The following GPC5 variants were observed in gnomAD, a reference collection of about 807,000 sequenced individuals.
GPC5 encodes the protein glypican 5.
In GPC5, 47 loss-of-function variants were observed where a neutral mutation model predicts 53.9. That is an observed-to-expected ratio of 0.87 (90% CI 0.69 to 1.11). GPC5 has a LOEUF of 1.11. GPC5 is among the 50% of genes most tolerant of loss of function. The pLI, the probability that GPC5 is intolerant of heterozygous loss-of-function variation, is 0.00. For synonymous variants in GPC5, 286 were observed against 263.3 expected (o/e 1.09, Z -0.84); for missense variants, 748 against 713.1 (o/e 1.05, Z -0.56).
At chr13:92,033,073 G>A (rs189240425) in intron 6 of GPC5, among the ~76,000 whole-genome samples, 197 of 150,144 alleles carry the variant, frequency 1.3e-3, no homozygotes, top group African/African-American at 4.5e-3. Flanking sequence ...GTGTGTGTGT[G>A]TGCTTCTCAT....
intron 7 of GPC5, among the ~76,000 whole-genome samples, chr13:92,763,622 G>A (rs1366475339): frequency 1.3e-5 from 2 of 152,172 alleles, no homozygotes; most frequent in Non-Finnish European, 2.9e-5. Context: ...AGACCCTGGG[G>A]TCAGGTTCTC....
At chr13:91,931,693 A>G (rs1338160442) in intron 6 of GPC5, among the ~76,000 whole-genome samples, 2 of 152,052 alleles carry the variant, frequency 1.3e-5, no homozygotes, top group Non-Finnish European at 2.9e-5. Context: ...CGCATTGCAC[A>G]TAACCTTCAA....
intron 7 of GPC5, among the ~76,000 whole-genome samples, chr13:92,204,996 A>C (rs2042323028): frequency 6.6e-6 from 1 of 151,868 alleles, no homozygotes; most frequent in African/African-American, 2.4e-5. Context: ...CTCCTGCCTC[A>C]GCCTCTCCAG....
intron 7 of GPC5, among the ~76,000 whole-genome samples, chr13:92,834,749 A>T (rs1167236198): frequency 3.3e-5 from 5 of 152,162 alleles, no homozygotes; most frequent in Non-Finnish European, 7.4e-5. Context: ...TAAAGAGATA[A>T]TTGGTATCTA....
chr13:92,650,032 GATTTTTGTTGTTGTTTC>G (rs1019431778), intron 7 of GPC5, among the ~76,000 whole-genome samples: 4 of 152,050 alleles, frequency 2.6e-5, no homozygotes, highest in African/African-American at 9.7e-5. Flanking sequence ...TGATTTGAGG[GATTTTTGTTGTTGTTTC>G]TCATCATAAG....
At chr13:92,040,258 T>C (rs1021516064) in intron 6 of GPC5, among the ~76,000 whole-genome samples, 4 of 152,218 alleles carry the variant, frequency 2.6e-5, no homozygotes, top group Non-Finnish European at 5.9e-5. Flanking sequence ...CGCCAGTCTC[T>C]GGTTTCCTCT....
chr13:91,410,409 G>C (rs983779832), intron 1 of GPC5, among the ~76,000 whole-genome samples: 3 of 131,914 alleles, frequency 2.3e-5, no homozygotes, highest in Non-Finnish European at 4.6e-5. Flanking sequence ...GCAGTGGCAC[G>C]ATCTTGGCTC....
chr13:91,988,792 A>G (rs549851396), intron 6 of GPC5, among the ~76,000 whole-genome samples: 1 of 149,816 alleles, frequency 6.7e-6, no homozygotes, highest in Non-Finnish European at 1.5e-5. Context: ...GTTATGTGGA[A>G]TACTCTAATG....
intron 6 of GPC5, among the ~76,000 whole-genome samples, chr13:92,049,912 A>G (rs2041014056): frequency 6.6e-6 from 1 of 152,144 alleles, no homozygotes; most frequent in African/African-American, 2.4e-5. Context: ...AAAATTCAAA[A>G]GTAGCTTGCA....
chr13:91,584,530 A>T (rs1432571709), intron 2 of GPC5, among the ~76,000 whole-genome samples: 1 of 152,164 alleles, frequency 6.6e-6, no homozygotes, highest in Non-Finnish European at 1.5e-5. Context: ...TTAGAAAGAC[A>T]TAAAATTCAT....
intron 6 of GPC5, among the ~76,000 whole-genome samples, chr13:92,023,035 C>A (rs766235907): frequency 6.6e-6 from 1 of 152,012 alleles, no homozygotes; most frequent in Non-Finnish European, 1.5e-5. Flanking sequence ...ATATTTGACT[C>A]TGTTTCACTT....
intron 7 of GPC5, among the ~76,000 whole-genome samples, chr13:92,221,210 G>A (rs2042445976): frequency 6.6e-6 from 1 of 152,146 alleles, no homozygotes; most frequent in African/African-American, 2.4e-5. Flanking sequence ...TTAATTTTGT[G>A]ACTATCCAAG....
At chr13:92,818,772 C>A (rs1877571867) in intron 7 of GPC5, among the ~76,000 whole-genome samples, 1 of 151,880 alleles carries the variant, frequency 6.6e-6, no homozygotes, top group Non-Finnish European at 1.5e-5. Flanking sequence ...AGAACTTCCA[C>A]CGTTCAAGTG....
chr13:92,513,112 T>C (rs946336000), intron 7 of GPC5, among the ~76,000 whole-genome samples: 1 of 152,170 alleles, frequency 6.6e-6, no homozygotes, highest in Non-Finnish European at 1.5e-5. Flanking sequence ...CATGTTACAC[T>C]CAGAGGGATG....
chr13:91,913,594 C>G (rs1799233089), intron 6 of GPC5, among the ~76,000 whole-genome samples: 1 of 152,068 alleles, frequency 6.6e-6, no homozygotes, highest in South Asian at 2.1e-4. Flanking sequence ...ATAGCTTGGT[C>G]CTTAAGGAAT....
intron 7 of GPC5, among the ~76,000 whole-genome samples, chr13:92,471,441 G>A (rs990492007): frequency 3.9e-5 from 6 of 152,104 alleles, no homozygotes; most frequent in African/African-American, 1.4e-4. Context: ...AAAGAAACAC[G>A]CTGAGGTCTT....
At chr13:92,358,324 T>C (rs2043539244) in intron 7 of GPC5, among the ~76,000 whole-genome samples, 1 of 141,226 alleles carries the variant, frequency 7.1e-6, no homozygotes, top group Non-Finnish European at 1.5e-5. Context: ...CCTGTGGCTC[T>C]GCAGGGAACA....
At chr13:91,872,251 A>G (rs188695208) in intron 5 of GPC5, among the ~76,000 whole-genome samples, 2 of 152,290 alleles carry the variant, frequency 1.3e-5, no homozygotes, top group African/African-American at 4.8e-5. Flanking sequence ...ACCCCGTGAC[A>G]GGCTGACAGG....
chr13:91,603,070 T>A (rs1344833187), intron 2 of GPC5, among the ~76,000 whole-genome samples: 1 of 152,208 alleles, frequency 6.6e-6, no homozygotes, highest in African/African-American at 2.4e-5. Context: ...GGACATGTAA[T>A]ATTGTGAGAA....
Sources: gnomAD v4.1 joint callset for allele counts (sites outside exome capture counted in the v4.1 genomes callset) on GRCh38, gnomAD v4.1.1 for gene constraint, MANE v1.5 for transcripts, NCBI Gene and HGNC (gene_info 2026-07-23, HGNC 2026-07-21) for gene names.